The following LDLRAD4 variants were observed in gnomAD, a reference collection of about 807,000 sequenced individuals.
LDLRAD4 encodes low-density lipoprotein receptor class A domain-containing protein 4.
In LDLRAD4, 5 loss-of-function variants were observed where a neutral mutation model predicts 17.0. The ratio of observed to expected loss-of-function variants is 0.29; its 90% confidence interval spans 0.15 to 0.62. The LOEUF (loss-of-function observed/expected upper bound fraction) is 0.62. LDLRAD4 is among the 20% of genes least tolerant of loss of function. LDLRAD4 has a pLI of 0.84. For missense variants in LDLRAD4, 340 were observed against 424.7 expected (o/e 0.80, Z 1.75); for synonymous variants, 168 against 171.8 (o/e 0.98, Z 0.17).
intron 3 of LDLRAD4, among the ~76,000 whole-genome samples, chr18:13,441,758 G>A (rs998764316): frequency 9.2e-5 from 14 of 152,246 alleles, no homozygotes; most frequent in Non-Finnish European, 1.8e-4. Flanking sequence ...AGCTCTGAAA[G>A]TTGCTCTAAG....
At chr18:13,465,293 C>T (rs1322029912) in intron 3 of LDLRAD4, among the ~76,000 whole-genome samples, 2 of 152,176 alleles carry the variant, frequency 1.3e-5, no homozygotes, top group Non-Finnish European at 2.9e-5. Context: ...TCTCAGGCTG[C>T]GTGTTTCATT....
At chr18:13,238,292 C>G (rs1291604849) in intron 1 of LDLRAD4, among the ~76,000 whole-genome samples, 1 of 152,164 alleles carries the variant, frequency 6.6e-6, no homozygotes, top group Admixed American at 6.5e-5. Context: ...GAGAAGGAGC[C>G]CCCTCTTAAA....
chr18:13,520,197 G>A (rs1030449147), intron 3 of LDLRAD4: 4 of 152,112 alleles, frequency 2.6e-5, no homozygotes, highest in Non-Finnish European at 5.9e-5. Flanking sequence ...GGGATGAGTC[G>A]AATTTTCACC....
At chr18:13,528,351 C>T (rs139718051) in intron 3 of LDLRAD4, among the ~76,000 whole-genome samples, 244 of 152,296 alleles carry the variant, frequency 1.6e-3, no homozygotes, top group Non-Finnish European at 2.8e-3. Flanking sequence ...CTTGCTCTGT[C>T]GCCCAGGCTG....
intron 2 of LDLRAD4, among the ~76,000 whole-genome samples, chr18:13,402,312 C>T (rs991786681): frequency 1.3e-5 from 2 of 152,116 alleles, no homozygotes; most frequent in Non-Finnish European, 2.9e-5. Context: ...TACCCTGACC[C>T]GAACTCACAC....
chr18:13,457,363 C>T (rs1323588988), intron 3 of LDLRAD4, among the ~76,000 whole-genome samples: 1 of 152,294 alleles, frequency 6.6e-6, no homozygotes, highest in East Asian at 1.9e-4. Context: ...TCCCTGGGCA[C>T]CCCCCTCCAA....
At chr18:13,602,486 G>A (rs1430062515) in intron 3 of LDLRAD4, among the ~76,000 whole-genome samples, 6 of 142,104 alleles carry the variant, frequency 4.2e-5, no homozygotes, top group African/African-American at 1.6e-4. Context: ...TTAAACCATG[G>A]CATTTAATTT....
At chr18:13,285,472 GTGTCTGCTGGGCTTTTCCTT>G (rs2045568392) in intron 1 of LDLRAD4, among the ~76,000 whole-genome samples, 1 of 152,180 alleles carries the variant, frequency 6.6e-6, no homozygotes, top group Admixed American at 6.5e-5. Flanking sequence ...GCCATTGGAG[GTGTCTGCTGGGCTTTTCCTT>G]TGTAGGCTTT....
chr18:13,321,031 G>A (rs1038364669), intron 1 of LDLRAD4, among the ~76,000 whole-genome samples: 10 of 152,176 alleles, frequency 6.6e-5, no homozygotes, highest in Non-Finnish European at 1.2e-4. Context: ...TGTGGAGAGC[G>A]TAGTTGGAGA....
At chr18:13,390,893 T>C (rs2086226065) in intron 2 of LDLRAD4, among the ~76,000 whole-genome samples, 1 of 152,196 alleles carries the variant, frequency 6.6e-6, no homozygotes, top group African/African-American at 2.4e-5. Context: ...ACTTGGCTCA[T>C]CATTTTTATT....
At chr18:13,561,131 T>C (rs1380260329) in intron 3 of LDLRAD4, among the ~76,000 whole-genome samples, 5 of 87,844 alleles carry the variant, frequency 5.7e-5, no homozygotes, top group African/African-American at 2.1e-4. Context: ...TCAGGGAACA[T>C]CCTGCAGATA....
chr18:13,524,661 C>A (rs1236464629), intron 3 of LDLRAD4, among the ~76,000 whole-genome samples: 1 of 152,214 alleles, frequency 6.6e-6, no homozygotes, highest in East Asian at 1.9e-4. Flanking sequence ...TTTCACCTAT[C>A]TTTGCTCCAA....
chr18:13,321,269 C>G (rs2081204793), intron 1 of LDLRAD4, among the ~76,000 whole-genome samples: 1 of 152,194 alleles, frequency 6.6e-6, no homozygotes, highest in South Asian at 2.1e-4. Context: ...GGTTTGGCTG[C>G]CCGGCCAGGT....
chr18:13,451,308 C>T (rs181782397), intron 3 of LDLRAD4, among the ~76,000 whole-genome samples: 117 of 152,254 alleles, frequency 7.7e-4, no homozygotes, highest in African/African-American at 2.6e-3. Flanking sequence ...GTCATGGGGA[C>T]GGATTCCTTG....
intron 3 of LDLRAD4, among the ~76,000 whole-genome samples, chr18:13,557,809 A>G (rs1483939979): frequency 1.3e-5 from 2 of 152,218 alleles, no homozygotes; most frequent in African/African-American, 2.4e-5. Flanking sequence ...TGTTGTTACC[A>G]TCATGATCAT....
intron 3 of LDLRAD4, among the ~76,000 whole-genome samples, chr18:13,473,174 G>A (rs2092825066): frequency 1.3e-5 from 2 of 148,726 alleles, no homozygotes; most frequent in Non-Finnish European, 3.0e-5. Context: ...TCATACATCA[G>A]GTGAGTTATG....
At chr18:13,226,113 C>T (rs1196405126) in intron 1 of LDLRAD4, among the ~76,000 whole-genome samples, 2 of 145,932 alleles carry the variant, frequency 1.4e-5, no homozygotes, top group Admixed American at 6.9e-5. Context: ...CGCCATTTCT[C>T]AGGCTTGTGG....
At chr18:13,288,439 T>A (rs576797923) in intron 1 of LDLRAD4, among the ~76,000 whole-genome samples, 1 of 152,234 alleles carries the variant, frequency 6.6e-6, no homozygotes, top group Non-Finnish European at 1.5e-5. Context: ...AAAGAAAAAT[T>A]TAGTTGCTAA....
At chr18:13,361,069 A>T (rs1222143376) in intron 1 of LDLRAD4, among the ~76,000 whole-genome samples, 1 of 152,170 alleles carries the variant, frequency 6.6e-6, no homozygotes, top group Non-Finnish European at 1.5e-5. Context: ...GGTCAGTAGC[A>T]CACGTGACAT....
Sources: gnomAD v4.1 joint callset for allele counts (sites outside exome capture counted in the v4.1 genomes callset) on GRCh38, gnomAD v4.1.1 for gene constraint, MANE v1.5 for transcripts, NCBI Gene and HGNC (gene_info 2026-07-23, HGNC 2026-07-21) for gene names.